EIF5B: variants seen among roughly 807,000 people sequenced by gnomAD.
EIF5B encodes the protein eukaryotic translation initiation factor 5B, also known as eIF-5B.
Under a neutral mutation model 147.5 loss-of-function variants are expected in EIF5B, and 47 were observed. The observed-to-expected ratio is 0.32, with a 90% CI of 0.25 to 0.41. The LOEUF (loss-of-function observed/expected upper bound fraction) is 0.41. EIF5B is among the 10% of genes least tolerant of loss of function. EIF5B has a pLI of 1.00. For synonymous variants in EIF5B, 455 were observed against 456.2 expected (o/e 1.00, Z 0.03); for missense variants, 1,064 against 1,413.2 (o/e 0.75, Z 3.96).
rs765827776 is a variant in EIF5B at position 99,399,450 on chromosome 2, A to G, written c.*36A>G. On this transcript the variant is annotated 3_prime_UTR_variant, in exon 24 of 24. Coordinates refer to ENST00000289371, the MANE Select transcript of EIF5B (RefSeq NM_015904.4). Reference sequence around the variant, plus strand: ...TGGAGCAGGAACTGGAGTAAATGCAATACTGTGTTGTAATATCCCAACAAA... The same window carrying G: ...TGGAGCAGGAACTGGAGTAAATGCAGTACTGTGTTGTAATATCCCAACAAA... The G allele has an allele frequency of 3.8e-6, 6 of 1,584,000 alleles. No homozygotes were observed. The highest frequency in any genetic ancestry group is 2.7e-5 in the African/African-American group (2 of 74,288).
chr2:99,349,980 C>G (rs1051077379), intron 1 of EIF5B, among the ~76,000 whole-genome samples: 1 of 152,174 alleles, frequency 6.6e-6, no homozygotes, highest in Non-Finnish European at 1.5e-5. Flanking sequence ...AACCACTATT[C>G]TACTCTTTAC....
rs1674270566 is a variant in EIF5B, at chr2:99,363,797, C to A, written c.1072C>A (p.Gln358Lys). The change falls in exon 5 of 24, where the codon CAG becomes AAG. Residue 358 changes from glutamine to lysine, a missense_variant. By Grantham distance (53) the Gln-to-Lys change is moderately conservative. This residue lies in a region of EIF5B where 458 missense variants were observed against 451.3 expected (regional missense o/e 1.01). Transcript: ENST00000289371. ...LAKLKEEEER[Q>K]KREEEERIKR... ...TAAGCTTAAAGAGGAAGAAGAAAGA[C>A]AGAAGAGAGAAGAGGAAGAACGTAT... The A allele has an allele frequency of 1.2e-6, 2 of 1,613,734 alleles. No homozygotes were observed. Among genetic ancestry groups the A allele is most frequent in the African/African-American group, 1.3e-5 (1 of 74,874 alleles).
chr2:99,340,205 A>G (rs1279683364), intron 1 of EIF5B, among the ~76,000 whole-genome samples: 1 of 152,160 alleles, frequency 6.6e-6, no homozygotes, highest in African/African-American at 2.4e-5. Flanking sequence ...GGGAAGTTCC[A>G]CTGCTTTGTG....
chr2:99,363,429 C>G (rs960562281), intron 4 of EIF5B, among the ~76,000 whole-genome samples: 2 of 152,150 alleles, frequency 1.3e-5, no homozygotes, highest in African/African-American at 4.8e-5. Flanking sequence ...AGACCAACAT[C>G]AGTATTGCAG....
At chr2:99,352,711 C>T (rs960279126) in intron 1 of EIF5B, among the ~76,000 whole-genome samples, 2 of 151,798 alleles carry the variant, frequency 1.3e-5, no homozygotes, top group Admixed American at 1.3e-4. Context: ...AAACTCCTGG[C>T]CTCAAGTGAT....
At chr2:99,345,818 G>C (rs560089873) in intron 1 of EIF5B, among the ~76,000 whole-genome samples, 7 of 151,688 alleles carry the variant, frequency 4.6e-5, no homozygotes, top group Admixed American at 2.6e-4. Flanking sequence ...TGGTGTGTGC[G>C]TGTGGTCTCA....
chr2:99,399,732 T>C lies in EIF5B; in HGVS notation c.*318T>C. On this transcript the variant is annotated 3_prime_UTR_variant, in exon 24 of 24. Transcript: ENST00000289371. ...GATTTTTATTACAGATCTAAAGCTC[T>C]TTCGATTTTATACTGATTAAATCAG... is the stretch of plus-strand genomic sequence containing the variant. The C allele has an allele frequency of 3.7e-6, 1 of 273,778 alleles. No homozygotes were observed. The highest frequency in any genetic ancestry group is 7.3e-6 in the Non-Finnish European group (1 of 137,914). 17.0% of individuals were successfully genotyped at this position (273,778 alleles called of 1,614,324 possible).
intron 14 of EIF5B, among the ~76,000 whole-genome samples, chr2:99,385,669 A>G (rs1375734352): frequency 6.6e-6 from 1 of 152,222 alleles, no homozygotes; most frequent in Admixed American, 6.5e-5. Flanking sequence ...GGAAACCCCA[A>G]AAATTGTGTG....
chr2:99,344,774 T>C (rs1461006479), intron 1 of EIF5B, among the ~76,000 whole-genome samples: 2 of 152,286 alleles, frequency 1.3e-5, no homozygotes, highest in South Asian at 2.1e-4. Context: ...TGAATTTCCT[T>C]AGATGAAAAA....
At chr2:99,339,005 C>CAAATATAT (rs1559240268) in intron 1 of EIF5B, among the ~76,000 whole-genome samples, 1 of 57,584 alleles carries the variant, frequency 1.7e-5, no homozygotes, top group Non-Finnish European at 4.7e-5. Flanking sequence ...TATATATATA[C>CAAATATAT]ATTTTTTTTT....
intron 1 of EIF5B, among the ~76,000 whole-genome samples, chr2:99,353,447 C>G (rs954391733): frequency 9.9e-5 from 15 of 152,226 alleles, no homozygotes; most frequent in African/African-American, 3.6e-4. Flanking sequence ...GCGTGAGCCA[C>G]TGTGCCCAGC....
intron 1 of EIF5B, among the ~76,000 whole-genome samples, chr2:99,350,210 A>G (rs1480741231): frequency 6.6e-6 from 1 of 152,206 alleles, no homozygotes; most frequent in East Asian, 1.9e-4. Flanking sequence ...ATTTAGGTTG[A>G]CTGCACATCT....
chr2:99,360,511 C>T lies in EIF5B; in HGVS notation c.208C>T (p.Gln70Ter). 6.2e-7 allele frequency: 1 copy of T among 1,613,698 alleles called. No individual in the cohort carries two copies. Among genetic ancestry groups the T allele is most frequent in the East Asian group, 2.2e-5 (1 of 44,860 alleles). The stretch of plus-strand genomic sequence containing the variant: ...ACTGGAAGAATTGTCTTTGGAAGCT[C>T]AAGGCATCAAAGCTGACAGAGAAAC... Reference protein sequence around the residue: ...KELEELSLEAQGIKADRETVA... With the variant: ...KELEELSLEA Residue 70 changes from glutamine (Q) to a stop codon, truncating the protein, a stop_gained, in exon 3 of 24, where the codon CAA (glutamine) becomes TAA (stop). Transcript: ENST00000289371. LOFTEE classifies it high-confidence loss of function.
At chr2:99,378,978 A>G in intron 10 of EIF5B, 41 bp from the exon 11 acceptor site, 1 of 1,418,484 alleles carries the variant, frequency 7.0e-7, no homozygotes. Flanking sequence ...AGGATTTGAA[A>G]TAATATTTAA....
chr2:99,386,492 T>C (rs1269931198), intron 14 of EIF5B, among the ~76,000 whole-genome samples: 3 of 151,140 alleles, frequency 2.0e-5, no homozygotes, highest in Admixed American at 1.3e-4. Context: ...TGTGTGTGTG[T>C]GTGTGTGTGT....
intron 1 of EIF5B, among the ~76,000 whole-genome samples, chr2:99,340,954 A>G (rs527294658): frequency 6.6e-6 from 1 of 152,224 alleles, no homozygotes; most frequent in African/African-American, 2.4e-5. Context: ...TAGTAGGGAC[A>G]GGGTTTCACC....
intron 17 of EIF5B, among the ~76,000 whole-genome samples, chr2:99,390,928 A>C (rs1674915478): frequency 6.6e-6 from 1 of 152,152 alleles, no homozygotes; most frequent in African/African-American, 2.4e-5. Flanking sequence ...CCAGATTCTA[A>C]ACTACACTGT....
At chr2:99,385,566 G>T (rs555710902) in intron 14 of EIF5B, among the ~76,000 whole-genome samples, 24 of 152,092 alleles carry the variant, frequency 1.6e-4, no homozygotes, top group African/African-American at 5.1e-4. Context: ...TAAAATTAAG[G>T]TGTATACATT....
At position 99,400,368 on chromosome 2, in the gene EIF5B, A is replaced by AAACTT. The variant is rs531085670; in HGVS notation, c.*957_*961dup. 7.2e-5 allele frequency: 11 copies of AAACTT among 152,322 alleles called. No homozygotes were observed. Among genetic ancestry groups the AAACTT allele is most frequent in the South Asian group, 6.2e-4 (3 of 4,832 alleles). 9.4% of individuals were successfully genotyped at this position (152,322 alleles called of 1,614,324 possible). A position where few individuals can be genotyped will look rare whatever the true frequency, so the allele number is the denominator to read the frequency against. ...GTGCTTCTAAATTGTTGCAGACACA[A>AAACTT]AACTTAATGATTCATTCGTAGTAGT... On this transcript the variant is annotated 3_prime_UTR_variant, in exon 24 of 24. Coordinates refer to ENST00000289371, the MANE Select transcript of EIF5B (RefSeq NM_015904.4).
Sources: allele counts gnomAD v4.1 joint callset (sites outside exome capture counted in the v4.1 genomes callset), GRCh38; gene constraint gnomAD v4.1.1; regional missense constraint gnomAD v4.1.1; transcripts MANE v1.5; gene names NCBI Gene and HGNC (gene_info 2026-07-23, HGNC 2026-07-21).